Variants in SORCS2 observed in about 807,000 individuals in gnomAD.
SORCS2 encodes the protein VPS10 domain-containing receptor SorCS2.
SORCS2 carries 100 observed loss-of-function variants against 141.6 expected under a neutral mutation model. The observed-to-expected ratio is 0.71, with a 90% confidence interval of 0.60 to 0.83. The LOEUF (loss-of-function observed/expected upper bound fraction) is 0.83, where lower values mean the gene tolerates loss of function less well. Ranked by LOEUF, SORCS2 falls within the 40% of genes least tolerant of loss-of-function variation. The pLI is 0.00. For missense variants in SORCS2, 1,646 were observed against 1,560.2 expected (o/e 1.05, Z -0.93); for synonymous variants, 789 against 676.9 (o/e 1.17, Z -2.57).
chr4:7,199,718 G>A (rs1469955586), intron 1 of SORCS2, among the ~76,000 whole-genome samples: 6 of 152,040 alleles, frequency 3.9e-5, no homozygotes, highest in Admixed American at 6.6e-5. Flanking sequence ...CTCTGCCTTC[G>A]TTTGTATTCT....
intron 3 of SORCS2, among the ~76,000 whole-genome samples, chr4:7,549,113 G>A (rs540827453): frequency 1.3e-5 from 2 of 152,326 alleles, no homozygotes; most frequent in South Asian, 4.1e-4. Context: ...AGCAAGGGCA[G>A]GTTGGGGAAT....
intron 4 of SORCS2, among the ~76,000 whole-genome samples, chr4:7,639,611 G>A (rs188530017): frequency 8.6e-5 from 13 of 151,932 alleles, no homozygotes; most frequent in Non-Finnish European, 1.8e-4. Flanking sequence ...GAGTGTATAT[G>A]TGCGTGTGAA....
At chr4:7,315,959 A>G (rs1449113785) in intron 1 of SORCS2, among the ~76,000 whole-genome samples, 1 of 151,952 alleles carries the variant, frequency 6.6e-6, no homozygotes, top group East Asian at 1.9e-4. Context: ...TCTTCCTTCC[A>G]TCTACCCATC....
intron 1 of SORCS2, among the ~76,000 whole-genome samples, chr4:7,308,810 C>T (rs1560181182): frequency 6.6e-6 from 1 of 152,180 alleles, no homozygotes; most frequent in Non-Finnish European, 1.5e-5. Context: ...CTCTCTCCAG[C>T]ACCCTGTCTG....
At chr4:7,415,297 C>T (rs867773992) in intron 2 of SORCS2, among the ~76,000 whole-genome samples, 4 of 152,196 alleles carry the variant, frequency 2.6e-5, no homozygotes, top group African/African-American at 7.2e-5. Flanking sequence ...AGATGTGGAC[C>T]GGGTCGTTTC....
chr4:7,407,192 G>T (rs935284507), intron 2 of SORCS2, among the ~76,000 whole-genome samples: 1 of 152,044 alleles, frequency 6.6e-6, no homozygotes, highest in African/African-American at 2.4e-5. Context: ...GGCCTATTAG[G>T]TCTGGTGTGT....
At chr4:7,461,646 G>C (rs1411498917) in intron 2 of SORCS2, among the ~76,000 whole-genome samples, 1 of 152,170 alleles carries the variant, frequency 6.6e-6, no homozygotes, top group Admixed American at 6.5e-5. Context: ...CTCGCTGCTG[G>C]GGTGACAGAG....
chr4:7,253,270 C>T (rs1278033067), intron 1 of SORCS2, among the ~76,000 whole-genome samples: 1 of 152,244 alleles, frequency 6.6e-6, no homozygotes, highest in Admixed American at 6.5e-5. Context: ...ACCTGAGCCT[C>T]GCCGGGGAGG....
chr4:7,638,593 C>T, intron 4 of SORCS2, 101 bp downstream of exon 4: 3 of 1,285,244 alleles, frequency 2.3e-6, no homozygotes, highest in Non-Finnish European at 3.1e-6. Flanking sequence ...CCCGGAACCC[C>T]TGGGCTGGCT....
rs983711277 is a variant in SORCS2 at position 7,663,984 on chromosome 4, G to A, written c.953-369G>A. Reference sequence around the variant, plus strand: ...TAAAATTTGGGGGAAAAGAACCCTTGAGCCCCACCCGCCCCCATCCCTGCT... The same window carrying A: ...TAAAATTTGGGGGAAAAGAACCCTTAAGCCCCACCCGCCCCCATCCCTGCT... On this transcript the variant is annotated intron_variant, in intron 6 of 26. Coordinates refer to ENST00000507866, the MANE Select transcript of SORCS2 (RefSeq NM_020777.3). The surrounding 1 kb of genome is among the most constrained non-coding windows in gnomAD (Gnocchi z 4.8). Among the ~76,000 whole-genome samples the A allele has an allele frequency of 6.6e-6, 1 of 152,150 alleles. No individual in the cohort carries two copies. Among genetic ancestry groups the A allele is most frequent in the African/African-American group, 2.4e-5 (1 of 41,426 alleles).
chr4:7,380,357 C>T (rs776167800), intron 1 of SORCS2, among the ~76,000 whole-genome samples: 1 of 152,246 alleles, frequency 6.6e-6, no homozygotes, highest in Non-Finnish European at 1.5e-5. Context: ...TGCCAACAGT[C>T]TCACAGCTGT....
chr4:7,335,777 G>T (rs1023910806), intron 1 of SORCS2, among the ~76,000 whole-genome samples: 1 of 152,254 alleles, frequency 6.6e-6, no homozygotes, highest in African/African-American at 2.4e-5. Flanking sequence ...CCGGCTGGGG[G>T]GTGTGGCGTG....
chr4:7,283,046 CTCAT>C (rs1298744771), intron 1 of SORCS2, among the ~76,000 whole-genome samples: 2 of 152,186 alleles, frequency 1.3e-5, no homozygotes, highest in Admixed American at 1.3e-4. Flanking sequence ...CATTCATTCA[CTCAT>C]TCATTCACCC....
intron 2 of SORCS2, among the ~76,000 whole-genome samples, chr4:7,493,695 G>T (rs1325011951): frequency 1.3e-5 from 2 of 152,224 alleles, no homozygotes; most frequent in African/African-American, 4.8e-5. Context: ...GTCCCAGAAG[G>T]GCTGGGCTCC....
intron 2 of SORCS2, among the ~76,000 whole-genome samples, chr4:7,525,135 G>A (rs1187981099): frequency 1.3e-5 from 2 of 152,202 alleles, no homozygotes; most frequent in African/African-American, 4.8e-5. Flanking sequence ...ACTTATCTGA[G>A]AAGCAGATGC....
chr4:7,650,717 C>T (rs1381324724), intron 4 of SORCS2, among the ~76,000 whole-genome samples: 1 of 67,058 alleles, frequency 1.5e-5, no homozygotes, highest in African/African-American at 5.9e-5. Flanking sequence ...GCCCTCTCTC[C>T]CCGCCCCGCC....
chr4:7,637,392 T>C (rs9291140), intron 3 of SORCS2, among the ~76,000 whole-genome samples: 150,296 of 152,292 alleles, frequency 0.99, 74,199 homozygotes, highest in East Asian at 1. Flanking sequence ...CCCGTCACTC[T>C]CTCCCCGTCC....
intron 3 of SORCS2, among the ~76,000 whole-genome samples, chr4:7,558,929 C>G (rs553008558): frequency 6.6e-6 from 1 of 152,360 alleles, no homozygotes; most frequent in South Asian, 2.1e-4. Context: ...CTTTTCTGTC[C>G]TCCTGTGCCC....
chr4:7,650,668 C>T (rs538173188), intron 4 of SORCS2, among the ~76,000 whole-genome samples: 6 of 151,938 alleles, frequency 3.9e-5, no homozygotes, highest in South Asian at 4.2e-4. Flanking sequence ...GGGAGGCAGA[C>T]GCCAGCTCCG....
Sources: gnomAD v4.1 joint callset for allele counts (sites outside exome capture counted in the v4.1 genomes callset) on GRCh38, gnomAD v4.1.1 for gene constraint, Gnocchi (gnomAD v3.1) non-coding constraint, MANE v1.5 for transcripts, NCBI Gene and HGNC (gene_info 2026-07-23, HGNC 2026-07-21) for gene names.